VSTM4: variants seen among roughly 807,000 people sequenced by gnomAD.
VSTM4 encodes the protein V-set and transmembrane domain containing 4, also known as V-set and transmembrane domain-containing protein 4.
A neutral mutation model predicts 36.4 loss-of-function variants in VSTM4; 20 were observed. The observed-to-expected ratio is 0.55, with a 90% confidence interval of 0.39 to 0.80. The LOEUF (loss-of-function observed/expected upper bound fraction) is 0.80, where lower values mean the gene tolerates loss of function less well. Among genes scored for constraint, VSTM4 ranks in the 30% least tolerant of loss-of-function variants. VSTM4 has a pLI of 0.00. For synonymous variants in VSTM4, 182 were observed against 173.9 expected, an observed-to-expected ratio of 1.05 and a Z score of -0.37; for missense variants, 392 against 404.5, an observed-to-expected ratio of 0.97 and a Z score of 0.26.
chr10:49,082,503 T>A (rs1844297893), intron 3 of VSTM4, among the ~76,000 whole-genome samples: 1 of 152,114 alleles, frequency 6.6e-6, no homozygotes, highest in Non-Finnish European at 1.5e-5. Flanking sequence ...TTAGTACAAA[T>A]TTTTGTACTA....
chr10:49,048,537 G>A lies in VSTM4; in HGVS notation c.716C>T (p.Pro239Leu), dbSNP rs769792534. Residue 239 changes from proline to leucine, a missense_variant, in exon 6 of 8, where the codon CCC becomes CTC. By Grantham distance (98) the Pro-to-Leu change is moderately conservative. Coordinates refer to ENST00000332853, the MANE Select transcript of VSTM4 (RefSeq NM_001031746.5). ...TSVTSLAPLQ[P>L]KKGKRQKEKP... ...CTCCTTCTGCCTCTTGCCCTTCTTG[G>A]GCTGTAGTGGGGCCAAGCTGGTCAC... 5.0e-6 allele frequency: 8 copies of A among 1,598,540 alleles called. No homozygotes were observed. The South Asian group carries it at 8.0e-5, about 16-fold the overall frequency.
At chr10:49,078,523 GAA>G (rs34919134) in intron 3 of VSTM4, among the ~76,000 whole-genome samples, 11 of 137,908 alleles carry the variant, frequency 8.0e-5, no homozygotes, top group South Asian at 6.9e-4. Context: ...TACGCTGAGT[GAA>G]AAAAAAAAAA....
At chr10:49,055,498 G>A (rs4617506) in intron 5 of VSTM4, among the ~76,000 whole-genome samples, 21,592 of 152,134 alleles carry the variant, frequency 0.14, 1,803 homozygotes, top group South Asian at 0.28. Flanking sequence ...GTGGCAATTC[G>A]TTGCCATCTT....
intron 5 of VSTM4, among the ~76,000 whole-genome samples, chr10:49,057,938 T>C (rs1414210407): frequency 2.0e-5 from 3 of 152,214 alleles, no homozygotes; most frequent in Non-Finnish European, 4.4e-5. Context: ...GACTCTGACA[T>C]GTGTCCCAGA....
At chr10:49,068,449 A>G (rs1844013174) in intron 4 of VSTM4, among the ~76,000 whole-genome samples, 1 of 152,172 alleles carries the variant, frequency 6.6e-6, no homozygotes, top group Admixed American at 6.5e-5. Context: ...AGACAGTGCC[A>G]GGGTACAGGA....
At chr10:49,059,230 G>A (rs1843833689) in intron 5 of VSTM4, among the ~76,000 whole-genome samples, 1 of 152,216 alleles carries the variant, frequency 6.6e-6, no homozygotes, top group Non-Finnish European at 1.5e-5. Flanking sequence ...CTGGGATGGA[G>A]GTAGAGTAAA....
chr10:49,045,774 T>C (rs1212568894), intron 7 of VSTM4, among the ~76,000 whole-genome samples: 2 of 152,144 alleles, frequency 1.3e-5, no homozygotes, highest in Non-Finnish European at 2.9e-5. Context: ...ATTAACAAGA[T>C]ATATTGTCGT....
chr10:49,099,348 T>G (rs1035606887), intron 2 of VSTM4, among the ~76,000 whole-genome samples: 1 of 152,226 alleles, frequency 6.6e-6, no homozygotes, highest in African/African-American at 2.4e-5. Context: ...TGCTGTGCTG[T>G]TTTTCAAATT....
intron 7 of VSTM4, among the ~76,000 whole-genome samples, chr10:49,039,564 TAG>T (rs1200918189): frequency 6.6e-6 from 1 of 152,020 alleles, no homozygotes; most frequent in Non-Finnish European, 1.5e-5. Flanking sequence ...ATTTTCTCCC[TAG>T]AGAACAGGGG....
intron 1 of VSTM4, among the ~76,000 whole-genome samples, chr10:49,111,339 G>C (rs1286554607): frequency 2.0e-5 from 3 of 152,204 alleles, no homozygotes; most frequent in Non-Finnish European, 2.9e-5. Context: ...CAGAGGACAG[G>C]ACGAGGGGAA....
At chr10:49,069,527 A>G (rs539283283) in intron 4 of VSTM4, among the ~76,000 whole-genome samples, 8 of 152,314 alleles carry the variant, frequency 5.3e-5, no homozygotes, top group African/African-American at 1.9e-4. Flanking sequence ...TCCCTCATTC[A>G]GGGCTCAACC....
chr10:49,019,567 A>G lies in VSTM4; in HGVS notation c.*83T>C, dbSNP rs913581063. ...CCACTCAGAAGGCATGAGTGAAAAT[A>G]CAGACATAAGGGCTTTGTCTCCAAG... On this transcript the variant is annotated 3_prime_UTR_variant, in exon 8 of 8. Coordinates refer to ENST00000332853, the MANE Select transcript of VSTM4 (RefSeq NM_001031746.5). 129 of 1,476,242 alleles carry G rather than the reference A, an allele frequency of 8.7e-5. 1 individual carries two copies. In the Admixed American group the frequency reaches 2.9e-3, roughly 33 times the overall value. The allele number at this position is 1,476,242 out of a possible 1,614,324, so 91.4% of individuals were successfully genotyped here. A position where few individuals can be genotyped will look rare whatever the true frequency, so the allele number is the denominator to read the frequency against.
intron 5 of VSTM4, among the ~76,000 whole-genome samples, chr10:49,053,160 G>A (rs1054333892): frequency 1.3e-5 from 2 of 152,204 alleles, no homozygotes; most frequent in African/African-American, 4.8e-5. Context: ...AGGCCCGCCC[G>A]GAAACTCCCT....
intron 3 of VSTM4, among the ~76,000 whole-genome samples, chr10:49,083,417 C>T (rs578155719): frequency 7.2e-5 from 11 of 152,262 alleles, no homozygotes; most frequent in African/African-American, 2.6e-4. Context: ...AACAAAAGGG[C>T]AAAAGGCCTG....
chr10:49,030,460 T>C (rs898627368), intron 7 of VSTM4, among the ~76,000 whole-genome samples: 1 of 152,198 alleles, frequency 6.6e-6, no homozygotes. Context: ...AGATCATATC[T>C]GGCCAGATTC....
In VSTM4 at chr10:49,056,317, T is replaced by C. The variant is rs1843778159; in HGVS notation, c.669-7733A>G. 2.6e-5 allele frequency among the ~76,000 whole-genome samples: 4 copies of C among 152,146 alleles called. No individual in the cohort carries two copies. In the South Asian group the frequency reaches 8.3e-4, roughly 32 times the overall value. The stretch of plus-strand genomic sequence containing the variant: ...GCTAACATTTTTTTACACTAGCTGG[T>C]GAGATCAGGAGATACTTTAGTGGTG... On this transcript the variant is annotated intron_variant, in intron 5 of 7. Transcript: ENST00000332853.
intron 5 of VSTM4, among the ~76,000 whole-genome samples, chr10:49,049,432 G>A (rs1376001344): frequency 1.3e-5 from 2 of 152,146 alleles, no homozygotes; most frequent in East Asian, 1.9e-4. Flanking sequence ...CTACTCATGG[G>A]CTGGAGTTCG....
chr10:49,017,723 C>T lies in VSTM4; in HGVS notation c.*1927G>A, dbSNP rs1843124221. 1 of 152,256 alleles carries T rather than the reference C, an allele frequency of 6.6e-6. No homozygotes were observed. Among genetic ancestry groups the T allele is most frequent in the Non-Finnish European group, 1.5e-5 (1 of 68,072 alleles). The allele number at this position is 152,256 out of a possible 1,614,324, so 9.4% of individuals were successfully genotyped here. A position where few individuals can be genotyped will look rare whatever the true frequency, so the allele number is the denominator to read the frequency against. The stretch of plus-strand genomic sequence containing the variant: ...CTTTTCATGTGCCCCCTCTCCTTCC[C>T]ATTTGGCACCCCCAGAGCCCCACAA... On this transcript the variant is annotated 3_prime_UTR_variant, in exon 8 of 8. Transcript: ENST00000332853.
At position 49,017,946 on chromosome 10, in the gene VSTM4, C is replaced by T. The variant is rs1843127060; in HGVS notation, c.*1704G>A. ...GAGTTCTTCCAAATGGTTCTTTCTT[C>T]CTCAAAAGCTGCATGGTTTATTCAG... On this transcript the variant is annotated 3_prime_UTR_variant, in exon 8 of 8. Coordinates refer to ENST00000332853, the MANE Select transcript of VSTM4 (RefSeq NM_001031746.5). The T allele has an allele frequency of 6.6e-6, 1 of 152,212 alleles. No individual in the cohort carries two copies. The highest frequency in any genetic ancestry group is 2.4e-5 in the African/African-American group (1 of 41,444). The allele number at this position is 152,212 out of a possible 1,614,324, so 9.4% of individuals were successfully genotyped here.
Sources: gnomAD v4.1 joint callset for allele counts (sites outside exome capture counted in the v4.1 genomes callset) on GRCh38, gnomAD v4.1.1 for gene constraint, MANE v1.5 for transcripts, NCBI Gene and HGNC (gene_info 2026-07-23, HGNC 2026-07-21) for gene names.